The following TENT5D variants were observed in gnomAD, a reference collection of about 807,000 sequenced individuals.
TENT5D encodes terminal nucleotidyltransferase 5D.
For synonymous variants in TENT5D, 103 were observed against 100.6 expected (o/e 1.02, Z -0.15); for missense variants, 191 against 287.0 (o/e 0.67, Z 2.42).
chrX:80,364,467 A>G (rs896148087), intron 3 of TENT5D, among the ~76,000 whole-genome samples: 8 of 110,903 alleles, frequency 7.2e-5, no homozygotes, highest in African/African-American at 2.3e-4. Context: ...ATTTATCTCT[A>G]TTTAAAATGA....
chrX:80,361,110 C>T (rs1290061266), intron 3 of TENT5D, among the ~76,000 whole-genome samples: 1 of 111,943 alleles, frequency 8.9e-6, no homozygotes, highest in Non-Finnish European at 1.9e-5. Flanking sequence ...AAGATGCTAA[C>T]CCAAATATAC....
At chrX:80,423,394 A>AG (rs1931925751) in intron 1 of TENT5D, among the ~76,000 whole-genome samples, 1 of 111,943 alleles carries the variant, frequency 8.9e-6, no homozygotes, top group Non-Finnish European at 1.9e-5. Context: ...AAGCAAAAGA[A>AG]GAACGCTTTC....
At chrX:80,406,084 C>A (rs1449981287) in intron 3 of TENT5D, among the ~76,000 whole-genome samples, 17 of 109,598 alleles carry the variant, frequency 1.6e-4, no homozygotes, top group Admixed American at 1.3e-3. Flanking sequence ...GACATCCACA[C>A]CAAAAACCCA....
At chrX:80,378,347 T>G (rs1284622495) in intron 3 of TENT5D, among the ~76,000 whole-genome samples, 1 of 111,941 alleles carries the variant, frequency 8.9e-6, no homozygotes, top group Non-Finnish European at 1.9e-5. Flanking sequence ...CTAGGTTTTC[T>G]TCTAGGGTTT....
chrX:80,415,663 T>C (rs1213902173), upstream of TENT5D, among the ~76,000 whole-genome samples: 1 of 112,029 alleles, frequency 8.9e-6, no homozygotes, highest in African/African-American at 3.2e-5. Context: ...CATGATGGAT[T>C]AACTTTTTAA....
Position 80,400,315 on chromosome X carries a change from C to T in TENT5D, c.-141-38295C>T, listed in dbSNP as rs890128193. ...TGGCCTATTGAATTGTGCCTACCAACAGTGAGGACAGATGTTCACTAAGGA... is the reference window on the plus strand; with the variant it reads ...TGGCCTATTGAATTGTGCCTACCAATAGTGAGGACAGATGTTCACTAAGGA... On this transcript the variant is annotated intron_variant, in intron 3 of 4. Coordinates refer to the TENT5D transcript ENST00000538312. Among the ~76,000 whole-genome samples, 6 of 111,562 alleles carry T rather than the reference C, an allele frequency of 5.4e-5. No individual in the cohort carries two copies. In the Admixed American group the frequency reaches 5.7e-4, roughly 11 times the overall value.
chrX:80,400,401 T>A (rs1931370315), intron 3 of TENT5D, among the ~76,000 whole-genome samples: 1 of 111,596 alleles, frequency 9.0e-6, no homozygotes, highest in African/African-American at 3.3e-5. Flanking sequence ...AATATCACTT[T>A]ACTGAGTTTC....
chrX:80,412,283 A>C (rs755223139), intron 3 of TENT5D, among the ~76,000 whole-genome samples: 36 of 111,153 alleles, frequency 3.2e-4, no homozygotes, highest in Non-Finnish European at 4.7e-4. Context: ...ACAAAACCAC[A>C]TTTTCCTCCT....
chrX:80,443,810 T>G, exon 3 of TENT5D: 1 of 764,766 alleles, frequency 1.3e-6, no homozygotes, highest in Non-Finnish European at 1.8e-6. Flanking sequence ...TTTTGTACAG[T>G]TACCAATTAT....
chrX:80,405,873 G>A (rs1931478600), intron 3 of TENT5D, among the ~76,000 whole-genome samples: 1 of 111,334 alleles, frequency 9.0e-6, no homozygotes, highest in Admixed American at 9.5e-5. Context: ...GAAGAGAGCA[G>A]TGGTTCTCCC....
At chrX:80,405,499 A>C (rs1205931248) in intron 3 of TENT5D, among the ~76,000 whole-genome samples, 6 of 112,402 alleles carry the variant, frequency 5.3e-5, no homozygotes, top group Non-Finnish European at 1.1e-4. Context: ...TGACGGACGC[A>C]CCTGGAAAAT....
intron 3 of TENT5D, among the ~76,000 whole-genome samples, chrX:80,387,866 C>T (rs781102750): frequency 3.6e-5 from 4 of 111,606 alleles, no homozygotes; most frequent in Non-Finnish European, 5.6e-5. Flanking sequence ...GTCCAGAGAA[C>T]CAGGGTCTGG....
chrX:80,409,056 T>G (rs1602212653), intron 3 of TENT5D, among the ~76,000 whole-genome samples: 1 of 110,232 alleles, frequency 9.1e-6, no homozygotes, highest in East Asian at 2.9e-4. Context: ...CAACCCTTCA[T>G]GCTAAAAACC....
chrX:80,376,030 GA>G (rs1295380773), intron 3 of TENT5D, among the ~76,000 whole-genome samples: 1 of 110,497 alleles, frequency 9.1e-6, no homozygotes, highest in Non-Finnish European at 1.9e-5. Context: ...ACAGTTTTCT[GA>G]AATGTTCACA....
chrX:80,418,436 A>G, upstream of TENT5D, among the ~76,000 whole-genome samples: 1 of 111,863 alleles, frequency 8.9e-6, no homozygotes, highest in African/African-American at 3.2e-5. Context: ...TTTAAAAAGT[A>G]TATGTATCCA....
intron 2 of TENT5D, among the ~76,000 whole-genome samples, chrX:80,339,872 T>TATATAG (rs1556039069): frequency 5.1e-4 from 53 of 103,922 alleles, no homozygotes; most frequent in African/African-American, 1.1e-3. Context: ...TATATATATA[T>TATATAG]AGAGAGAGAG....
chrX:80,390,854 T>C (rs951500763), intron 3 of TENT5D, among the ~76,000 whole-genome samples: 1 of 112,043 alleles, frequency 8.9e-6, no homozygotes, highest in Non-Finnish European at 1.9e-5. Context: ...ATTGTGGATG[T>C]TGAAATCTTC....
chrX:80,385,734 CA>C, intron 3 of TENT5D, among the ~76,000 whole-genome samples: 2 of 111,956 alleles, frequency 1.8e-5, no homozygotes, highest in Admixed American at 1.9e-4. Context: ...AAGAAAAAAA[CA>C]AACAACCCCA....
chrX:80,362,585 C>A (rs963842089), intron 3 of TENT5D, among the ~76,000 whole-genome samples: 2 of 111,907 alleles, frequency 1.8e-5, no homozygotes, highest in African/African-American at 3.2e-5. Flanking sequence ...TTGCCCTTTG[C>A]TTTTTTATTT....
Sources: allele counts gnomAD v4.1 joint callset (sites outside exome capture counted in the v4.1 genomes callset), GRCh38; gene constraint gnomAD v4.1.1; transcripts MANE v1.5; gene names NCBI Gene and HGNC (gene_info 2026-07-23, HGNC 2026-07-21).